P4HA1: variants seen among roughly 807,000 people sequenced by gnomAD.
The protein encoded by P4HA1 is prolyl 4-hydroxylase subunit alpha-1.
A neutral mutation model predicts 72.8 loss-of-function variants in P4HA1; 24 were observed. The ratio of observed to expected loss-of-function variants is 0.33; its 90% CI spans 0.24 to 0.46. P4HA1 has a LOEUF of 0.46. P4HA1 is among the 20% of genes least tolerant of loss of function. The pLI is 1.00. For missense variants in P4HA1, 446 were observed against 640.6 expected (o/e 0.70, Z 3.28); for synonymous variants, 201 against 218.8 (o/e 0.92, Z 0.72).
At chr10:73,025,031 C>A (rs1328465316) in intron 10 of P4HA1, among the ~76,000 whole-genome samples, 1 of 152,204 alleles carries the variant, frequency 6.6e-6, no homozygotes, top group Non-Finnish European at 1.5e-5. Context: ...CAGATGGATT[C>A]ACAGCCGAAT....
chr10:73,057,561 TAGA>T (rs1318528568), intron 5 of P4HA1, among the ~76,000 whole-genome samples: 4 of 152,272 alleles, frequency 2.6e-5, no homozygotes, highest in Admixed American at 1.3e-4. Context: ...CTTGGAATTC[TAGA>T]AGAAGAGAAC....
In P4HA1 at chr10:73,020,889, C is replaced by T. The variant is rs183094858; in HGVS notation, c.1249-3990G>A. Among the ~76,000 whole-genome samples, 782 of 152,304 alleles carry T rather than the reference C, an allele frequency of 5.1e-3. 7 individuals carry two copies. Among genetic ancestry groups the T allele is most frequent in the Non-Finnish European group, 8.1e-3 (548 of 68,030 alleles). On this transcript the variant is annotated intron_variant, in intron 10 of 14. Transcript: ENST00000394890. Reference sequence around the variant, plus strand: ...GTGGCTCACACCTGTAATTCCAGCACTTTGGGAGGCCAAAGTGGATGGATC... The same window carrying T: ...GTGGCTCACACCTGTAATTCCAGCATTTTGGGAGGCCAAAGTGGATGGATC...
At chr10:73,077,688 A>C (rs1841730366) in intron 1 of P4HA1, among the ~76,000 whole-genome samples, 1 of 152,142 alleles carries the variant, frequency 6.6e-6, no homozygotes, top group Non-Finnish European at 1.5e-5. Flanking sequence ...TAAACTTAAA[A>C]ATAAGAAAAT....
chr10:73,071,015 C>G (rs951055046), intron 4 of P4HA1, among the ~76,000 whole-genome samples: 1 of 151,968 alleles, frequency 6.6e-6, no homozygotes, highest in Non-Finnish European at 1.5e-5. Flanking sequence ...GACCTTGTTT[C>G]TAAGAAAGAA....
chr10:73,022,554 A>C (rs372597128), intron 10 of P4HA1, among the ~76,000 whole-genome samples: 378 of 152,324 alleles, frequency 2.5e-3, no homozygotes, highest in African/African-American at 8.6e-3. Flanking sequence ...AGAGCAGAAA[A>C]GCTGAAACTT....
At chr10:73,013,306 A>T (rs1839947302) in intron 12 of P4HA1, among the ~76,000 whole-genome samples, 1 of 152,164 alleles carries the variant, frequency 6.6e-6, no homozygotes, top group Non-Finnish European at 1.5e-5. Flanking sequence ...AACATCTGTG[A>T]CTTCTGAGGG....
At chr10:73,046,725 T>TG (rs11398474) in intron 8 of P4HA1, among the ~76,000 whole-genome samples, 200 bp downstream of exon 8, 24,216 of 152,122 alleles carry the variant, frequency 0.16, 3,201 homozygotes, top group African/African-American at 0.34. Flanking sequence ...AAAACCCAGT[T>TG]AAGGGTACAT....
chr10:73,094,685 T>C (rs1589637823), intron 1 of P4HA1, among the ~76,000 whole-genome samples: 1 of 152,350 alleles, frequency 6.6e-6, no homozygotes, highest in African/African-American at 2.4e-5. Context: ...TTGAACTTAA[T>C]TGCCCTACTG....
chr10:73,075,824 T>C (rs992526580), intron 1 of P4HA1, among the ~76,000 whole-genome samples: 1 of 151,722 alleles, frequency 6.6e-6, no homozygotes, highest in African/African-American at 2.4e-5. Flanking sequence ...GCCCACCTCA[T>C]CCTCCCAAAG....
chr10:73,037,557 A>T (rs1412769168), intron 9 of P4HA1, among the ~76,000 whole-genome samples: 10 of 32,664 alleles, frequency 3.1e-4, no homozygotes, highest in African/African-American at 1.3e-3. Context: ...ATATATATAT[A>T]TATATATATA....
At chr10:73,080,248 A>AAC (rs1007134113) in intron 1 of P4HA1, among the ~76,000 whole-genome samples, 8 of 152,240 alleles carry the variant, frequency 5.3e-5, no homozygotes, top group Admixed American at 4.6e-4. Context: ...ATTCCAAACT[A>AAC]ACATGCCTAC....
intron 10 of P4HA1, among the ~76,000 whole-genome samples, chr10:73,027,807 TGGAA>T (rs1397441619): frequency 3.0e-5 from 3 of 101,082 alleles, no homozygotes; most frequent in South Asian, 7.2e-4. Context: ...GAAGGAAATA[TGGAA>T]GGAAGGAAGG....
chr10:73,065,751 T>C (rs1207624483), intron 5 of P4HA1, among the ~76,000 whole-genome samples: 3 of 152,182 alleles, frequency 2.0e-5, no homozygotes, highest in Non-Finnish European at 4.4e-5. Flanking sequence ...GCCTTGCACG[T>C]GAGTACATGG....
intron 10 of P4HA1, among the ~76,000 whole-genome samples, chr10:73,018,838 G>A (rs1304937071): frequency 6.6e-6 from 1 of 152,044 alleles, no homozygotes; most frequent in Non-Finnish European, 1.5e-5. Context: ...CAAGCAGCTA[G>A]AGGGTGCCTC....
chr10:73,078,697 C>T (rs1348269309), intron 1 of P4HA1, among the ~76,000 whole-genome samples: 5 of 149,254 alleles, frequency 3.3e-5, no homozygotes, highest in East Asian at 2.0e-4. Context: ...CTGCAACCTC[C>T]GCCTCCCGGG....
chr10:73,050,145 G>C (rs967023409), intron 7 of P4HA1, among the ~76,000 whole-genome samples: 3 of 148,456 alleles, frequency 2.0e-5, no homozygotes, highest in Non-Finnish European at 3.0e-5. Flanking sequence ...CAGCCTGGGT[G>C]ATAGGGTGGG....
intron 1 of P4HA1, among the ~76,000 whole-genome samples, chr10:73,093,907 T>TACATACACAC (rs1554843987): frequency 5.4e-5 from 3 of 55,594 alleles, no homozygotes; most frequent in African/African-American, 2.8e-4. Flanking sequence ...TATATATATA[T>TACATACACAC]ACACACACAC....
Position 73,009,792 on chromosome 10 carries a change from A to G in P4HA1, c.1534+15T>C. 1 of 1,382,344 alleles carries G rather than the reference A, an allele frequency of 7.2e-7. No individual in the cohort carries two copies. Among genetic ancestry groups the G allele is most frequent in the Non-Finnish European group, 1.0e-6 (1 of 969,212 alleles). 85.6% of individuals were successfully genotyped at this position (1,382,344 alleles called of 1,614,324 possible). A position where few individuals can be genotyped will look rare whatever the true frequency, so the allele number is the denominator to read the frequency against. On this transcript the variant is annotated intron_variant, in intron 14 of 14. Transcript: ENST00000394890. ...AAAAATTACATTATCTTCGCAGAAT[A>G]TATGAAATATTTACCCCATTTGTTG...
At chr10:73,090,316 T>C (rs1217716729) in intron 1 of P4HA1, among the ~76,000 whole-genome samples, 5 of 151,374 alleles carry the variant, frequency 3.3e-5, no homozygotes, top group African/African-American at 4.9e-5. Flanking sequence ...TTATTTTGTG[T>C]AGAGATGAAG....
Sources: gnomAD v4.1 joint callset for allele counts (sites outside exome capture counted in the v4.1 genomes callset) on GRCh38, gnomAD v4.1.1 for gene constraint, MANE v1.5 for transcripts, NCBI Gene and HGNC (gene_info 2026-07-23, HGNC 2026-07-21) for gene names.